VDAC1: variants seen among roughly 807,000 people sequenced by gnomAD.
VDAC1 encodes the protein non-selective voltage-gated ion channel VDAC1.
A neutral mutation model predicts 34.7 loss-of-function variants in VDAC1; 10 were observed. The ratio of observed to expected loss-of-function variants is 0.29; its 90% CI spans 0.18 to 0.49. The LOEUF (loss-of-function observed/expected upper bound fraction) is 0.49, where lower values mean the gene tolerates loss of function less well. Among genes scored for constraint, VDAC1 ranks in the 20% least tolerant of loss-of-function variants. The pLI, the probability that VDAC1 is intolerant of heterozygous loss-of-function variation, is 0.99. For missense variants in VDAC1, 230 were observed against 347.9 expected (o/e 0.66, Z 2.69); for synonymous variants, 130 against 136.0 (o/e 0.96, Z 0.30).
At chr5:134,106,006 G>A in the VDAC1 span, among the ~76,000 whole-genome samples, 1 of 152,232 alleles carries the variant, frequency 6.6e-6, no homozygotes, top group Non-Finnish European at 1.5e-5. Context: ...GCCGGCTGAT[G>A]TGTTGTTGGT....
the VDAC1 span, among the ~76,000 whole-genome samples, chr5:134,055,903 T>G: frequency 0.76 from 114,591 of 151,372 alleles, 43,953 homozygotes; most frequent in East Asian, 0.89. Context: ...ACACATGCAT[T>G]CACACACAGA....
the VDAC1 span, among the ~76,000 whole-genome samples, chr5:134,039,523 GT>G: frequency 4.8e-5 from 7 of 146,006 alleles, no homozygotes; most frequent in East Asian, 2.0e-4. Context: ...AGAGACGGGG[GT>G]TTCACCGTGT....
chr5:134,109,663 G>C, the VDAC1 span, among the ~76,000 whole-genome samples: 4 of 151,982 alleles, frequency 2.6e-5, no homozygotes, highest in African/African-American at 9.7e-5. Context: ...CCAGCTACTG[G>C]GTAGGCTGAG....
intron 1 of VDAC1, among the ~76,000 whole-genome samples, chr5:133,993,570 A>C (rs1281286172): frequency 6.6e-6 from 1 of 152,210 alleles, no homozygotes; most frequent in Non-Finnish European, 1.5e-5. Flanking sequence ...AAACTTTTGG[A>C]CTTTATGGGA....
the VDAC1 span, among the ~76,000 whole-genome samples, chr5:134,031,235 T>C: frequency 6.6e-6 from 1 of 152,110 alleles, no homozygotes; most frequent in African/African-American, 2.4e-5. Flanking sequence ...GTTTTATCCC[T>C]ACCTTTCATA....
At chr5:134,074,535 A>G in the VDAC1 span, among the ~76,000 whole-genome samples, 3 of 151,610 alleles carry the variant, frequency 2.0e-5, no homozygotes, top group East Asian at 5.9e-4. Context: ...AGGGGCTCAC[A>G]GTGTAAGTCC....
At chr5:134,020,023 C>T in the VDAC1 span, among the ~76,000 whole-genome samples, 1 of 152,062 alleles carries the variant, frequency 6.6e-6, no homozygotes, top group Non-Finnish European at 1.5e-5. Flanking sequence ...GTCCTCACCC[C>T]ATCCTTTCAT....
chr5:134,114,032 G>T, the VDAC1 span, among the ~76,000 whole-genome samples: 7 of 152,324 alleles, frequency 4.6e-5, no homozygotes, highest in South Asian at 1.2e-3. Context: ...TGTGTTCGCG[G>T]CTCGGAGCCG....
At chr5:134,025,992 G>T in the VDAC1 span, among the ~76,000 whole-genome samples, 1 of 152,114 alleles carries the variant, frequency 6.6e-6, no homozygotes, top group East Asian at 1.9e-4. Context: ...TTTCCACCGA[G>T]CCTGGCCTGG....
chr5:134,103,904 G>A, the VDAC1 span, among the ~76,000 whole-genome samples: 3 of 152,306 alleles, frequency 2.0e-5, no homozygotes, highest in South Asian at 6.2e-4. Flanking sequence ...GCGCTGCTCG[G>A]CTCCTAGGTG....
the VDAC1 span, among the ~76,000 whole-genome samples, chr5:134,084,242 C>G: frequency 2.0e-5 from 3 of 152,268 alleles, no homozygotes; most frequent in African/African-American, 7.2e-5. Context: ...AGTGTGGACA[C>G]AGAGGGGAGG....
In VDAC1 at chr5:133,972,487, T is replaced by C; in HGVS notation, c.*284A>G. On this transcript the variant is annotated 3_prime_UTR_variant, in exon 9 of 9. Coordinates refer to ENST00000265333, the MANE Select transcript of VDAC1 (RefSeq NM_003374.3). ...GAATTTACAAAGTGCCTACATATTATCCGCTTCCACTTGCAGCCATTTCTA... is the reference window on the plus strand; with the variant it reads ...GAATTTACAAAGTGCCTACATATTACCCGCTTCCACTTGCAGCCATTTCTA... The C allele has an allele frequency of 2.1e-6, 1 of 469,530 alleles. No individual in the cohort carries two copies. Among genetic ancestry groups the C allele is most frequent in the East Asian group, 3.3e-5 (1 of 30,674 alleles). 29.1% of individuals were successfully genotyped at this position (469,530 alleles called of 1,614,324 possible).
At chr5:134,062,688 G>A in the VDAC1 span, among the ~76,000 whole-genome samples, 12 of 151,534 alleles carry the variant, frequency 7.9e-5, no homozygotes, top group East Asian at 5.8e-4. Context: ...GTGCAATGGC[G>A]CAATCTCGGC....
At chr5:134,041,899 A>G in the VDAC1 span, among the ~76,000 whole-genome samples, 2 of 152,180 alleles carry the variant, frequency 1.3e-5, no homozygotes, top group Non-Finnish European at 2.9e-5. Context: ...GCCACCCTCG[A>G]AGCTCCTGAG....
chr5:134,032,037 TGCCTGAACCCGGGAGGTG>T, the VDAC1 span, among the ~76,000 whole-genome samples: 1 of 144,170 alleles, frequency 6.9e-6, no homozygotes, highest in Admixed American at 7.3e-5. Context: ...GCACGAGAAT[TGCCTGAACCCGGGAGGTG>T]GAGGTTGCAG....
the VDAC1 span, among the ~76,000 whole-genome samples, chr5:134,052,032 G>A: frequency 2.6e-5 from 4 of 152,028 alleles, no homozygotes; most frequent in African/African-American, 7.2e-5. Context: ...GAGCAACAGC[G>A]GGTACAAGCA....
chr5:133,991,262 T>TG (rs753488362), intron 3 of VDAC1, 108 bp from the exon 4 acceptor site: 81 of 1,408,028 alleles, frequency 5.8e-5, no homozygotes, highest in South Asian at 4.5e-4. Context: ...ACCCTGAATG[T>TG]GGGGGGGCCA....
the VDAC1 span, among the ~76,000 whole-genome samples, chr5:134,046,946 G>C: frequency 6.6e-6 from 1 of 152,190 alleles, no homozygotes; most frequent in Non-Finnish European, 1.5e-5. Flanking sequence ...AGCCTGTTTT[G>C]TGGCTGCACT....
chr5:134,101,754 C>T, the VDAC1 span, among the ~76,000 whole-genome samples: 1 of 152,188 alleles, frequency 6.6e-6, no homozygotes, highest in Non-Finnish European at 1.5e-5. Context: ...ACACCTTGTG[C>T]CATCCCTCAC....
Sources: allele counts gnomAD v4.1 joint callset (sites outside exome capture counted in the v4.1 genomes callset), GRCh38; gene constraint gnomAD v4.1.1; transcripts MANE v1.5; gene names NCBI Gene and HGNC (gene_info 2026-07-23, HGNC 2026-07-21).